The following JMJD4 variants were observed in gnomAD, a reference collection of about 807,000 sequenced individuals.
The protein encoded by JMJD4 is 2-oxoglutarate and iron-dependent oxygenase JMJD4.
JMJD4 carries 34 observed loss-of-function variants against 36.3 expected under a neutral mutation model. The observed-to-expected ratio is 0.94, with a 90% CI of 0.71 to 1.25. The LOEUF (loss-of-function observed/expected upper bound fraction) is 1.25, where lower values mean the gene tolerates loss of function less well. Among genes scored for constraint, JMJD4 ranks in the 50% most tolerant of loss-of-function variants. The pLI is 0.00. For missense variants in JMJD4, 584 were observed against 559.1 expected, an observed-to-expected ratio of 1.04 and a Z score of -0.45; for synonymous variants, 269 against 235.3, an observed-to-expected ratio of 1.14 and a Z score of -1.31.
rs759426975 is a variant in JMJD4 at position 227,732,578 on chromosome 1, G to C, written c.1068C>G (p.Ala356=). ...AACCCAACCCAGCACCGTCCTCAGCGGCTGCCTCCCTCAGGACCAGGAGCC... is the reference window on the plus strand; with the variant it reads ...AACCCAACCCAGCACCGTCCTCAGCCGCTGCCTCCCTCAGGACCAGGAGCC... ...EKRLLVLREA[A]AEDGAGLGFE... The change falls in exon 6 of 6, where the codon GCC becomes GCG. Residue 356 remains alanine, a synonymous_variant. Transcript: ENST00000620518. The C allele has an allele frequency of 3.1e-6, 5 of 1,613,346 alleles. No individual in the cohort carries two copies. The highest frequency in any genetic ancestry group is 3.3e-5 in the Admixed American group (2 of 60,004).
Position 227,733,166 on chromosome 1 carries a change from G to T in JMJD4, c.823-139C>A. On this transcript the variant is annotated intron_variant, in intron 4 of 5. Coordinates refer to ENST00000620518, the MANE Select transcript of JMJD4 (RefSeq NM_023007.3). ...GCCCTCCTGTCTCCCAGCAGGGCTT[G>T]CTCAGCAGGGAAGTGGGTGGCGGGC... 3.9e-6 allele frequency: 4 copies of T among 1,027,340 alleles called. No individual in the cohort carries two copies. The South Asian group carries it at 4.7e-5, about 12-fold the overall frequency. The allele number at this position is 1,027,340 out of a possible 1,614,324, so 63.6% of individuals were successfully genotyped here. A position where few individuals can be genotyped will look rare whatever the true frequency, so the allele number is the denominator to read the frequency against.
chr1:227,734,116 A>G (rs976546298), intron 2 of JMJD4, 84 bp from the exon 3 acceptor site: 9 of 1,484,562 alleles, frequency 6.1e-6, no homozygotes, highest in Non-Finnish European at 5.4e-6. Context: ...ACTGAGACCA[A>G]TCGGCTCCAG....
chr1:227,733,951 A>G lies in JMJD4; in HGVS notation c.510T>C (p.Asp170=). The stretch of plus-strand genomic sequence containing the variant: ...CGTAGACAAAGCGGTAGTCATCCAC[A>G]TCCAGTGCATCCCAGAACTCATTCA... The part of the protein sequence containing the change: ...DWLNEFWDAL[D]VDDYRFVYAG... The change falls in exon 3 of 6, where the codon GAT becomes GAC. Residue 170 remains aspartate (D), a synonymous_variant. Coordinates refer to ENST00000620518, the MANE Select transcript of JMJD4 (RefSeq NM_023007.3). 1 of 1,613,944 alleles carries G rather than the reference A, an allele frequency of 6.2e-7. No homozygotes were observed. Among genetic ancestry groups the G allele is most frequent in the Non-Finnish European group, 8.5e-7 (1 of 1,180,012 alleles).
chr1:227,734,032 CCT>C lies in JMJD4; in HGVS notation c.429-2_429-1del, dbSNP rs775050422. On this transcript the variant is annotated splice_acceptor_variant, in intron 2 of 5. Transcript: ENST00000620518. LOFTEE classifies it high-confidence loss of function. ...TGAAAACGTCCTCCACCGGAAAGTC[CCT>C]GTGAGGAGGGCGCAAGGGCACCACC... 1 of 1,612,758 alleles carries C rather than the reference CCT, an allele frequency of 6.2e-7. No homozygotes were observed. The highest frequency in any genetic ancestry group is 8.5e-7 in the Non-Finnish European group (1 of 1,179,674).
At position 227,735,086 on chromosome 1, in the gene JMJD4, T is replaced by C. The variant is rs1222691853; in HGVS notation, c.188A>G (p.Gln63Arg). ...LPCVFSSAFT[Q>R]GWGSRRRWVT... ...CCAGCGCCGCCGGCTGCCCCAGCCC[T>C]GCGTGAAGGCGCTGGAAAACACGCA... Residue 63 changes from glutamine (Q) to arginine (R), a missense_variant, in exon 1 of 6, where the codon CAG becomes CGG. Transcript: ENST00000620518. 1 of 1,571,840 alleles carries C rather than the reference T, an allele frequency of 6.4e-7. No individual in the cohort carries two copies. The highest frequency in any genetic ancestry group is 8.6e-7 in the Non-Finnish European group (1 of 1,159,748).
chr1:227,733,404 A>C lies in JMJD4; in HGVS notation c.822+10T>G. ...GCCCCTGATAGGGGGCAGGAGAAGC[A>C]GCACATTACCAGGTTGTGCACCTGG... On this transcript the variant is annotated intron_variant, in intron 4 of 5. Coordinates refer to ENST00000620518, the MANE Select transcript of JMJD4 (RefSeq NM_023007.3). The C allele has an allele frequency of 6.4e-7, 1 of 1,567,372 alleles. No homozygotes were observed.
At chr1:227,734,473 C>G in intron 2 of JMJD4, 178 bp downstream of exon 2, 1 of 556,200 alleles carries the variant, frequency 1.8e-6, no homozygotes, top group Non-Finnish European at 3.1e-6. Flanking sequence ...ATTGACCTCC[C>G]AAAGAACAAC....
Position 227,732,320 on chromosome 1 carries a change from T to G in JMJD4, c.*72A>C. 1 of 1,561,670 alleles carries G rather than the reference T, an allele frequency of 6.4e-7. No individual in the cohort carries two copies. Reference sequence around the variant, plus strand: ...GCCCCAGGTCACAGGGAGGGCGGTCTTTATTTCTGGAAGGGCCCCGGAGCA... The same window carrying G: ...GCCCCAGGTCACAGGGAGGGCGGTCGTTATTTCTGGAAGGGCCCCGGAGCA... On this transcript the variant is annotated 3_prime_UTR_variant, in exon 6 of 6. Coordinates refer to ENST00000620518, the MANE Select transcript of JMJD4 (RefSeq NM_023007.3).
Position 227,735,188 on chromosome 1 carries a change from C to G in JMJD4, c.86G>C (p.Arg29Pro), listed in dbSNP as rs1457329971. The change falls in exon 1 of 6, where the codon CGG becomes CCG. Residue 29 changes from arginine to proline, a missense_variant. Coordinates refer to ENST00000620518, the MANE Select transcript of JMJD4 (RefSeq NM_023007.3). The part of the protein sequence containing the change: ...DVPGVGQAPG[R>P]VAFVSEPGAF... ...GCCCGGCTCCGAGACGAAGGCTACC[C>G]GGCCCGGAGCCTGGCCGACGCCGGG... is the stretch of plus-strand genomic sequence containing the variant. 1.2e-5 allele frequency: 19 copies of G among 1,580,850 alleles called. No homozygotes were observed. The highest frequency in any genetic ancestry group is 1.6e-5 in the Non-Finnish European group (19 of 1,164,174).
At position 227,732,110 on chromosome 1, in the gene JMJD4, G is replaced by A; in HGVS notation, c.*282C>T. 1.9e-6 allele frequency: 1 copy of A among 538,428 alleles called. No homozygotes were observed. Among genetic ancestry groups the A allele is most frequent in the Non-Finnish European group, 3.3e-6 (1 of 298,898 alleles). 33.4% of individuals were successfully genotyped at this position (538,428 alleles called of 1,614,324 possible). On this transcript the variant is annotated 3_prime_UTR_variant, in exon 6 of 6. Coordinates refer to ENST00000620518, the MANE Select transcript of JMJD4 (RefSeq NM_023007.3). ...GACTCCTGTCAGCTCAGGCGTCCTG[G>A]CCTAAGGAGGCAGGGCCCCCAAAAG...
chr1:227,733,164 T>C, intron 4 of JMJD4, 137 bp from the exon 5 acceptor site: 4 of 1,044,302 alleles, frequency 3.8e-6, no homozygotes, highest in Non-Finnish European at 5.5e-6. Flanking sequence ...CCAGCAGGGC[T>C]TGCTCAGCAG....
Position 227,733,652 on chromosome 1 carries a change from G to C in JMJD4, c.584C>G (p.Ser195Cys). 2 of 1,603,058 alleles carry C rather than the reference G, an allele frequency of 1.2e-6. No individual in the cohort carries two copies. Among genetic ancestry groups the C allele is most frequent in the Non-Finnish European group, 1.7e-6 (2 of 1,179,756 alleles). The change falls in exon 4 of 6, where the codon TCC becomes TGC. Residue 195 changes from serine to cysteine, a missense_variant. Transcript: ENST00000620518. The part of the protein sequence containing the change: ...WSPFHADIFR[S>C]FSWSVNVCGR... ...ACAGACATTGACAGACCAGCTGAAG[G>C]AGCGGAAGATGTCAGCATGGAACGG...
chr1:227,734,850 T>C (rs752622320), intron 1 of JMJD4, 34 bp from the exon 2 acceptor site: 1 of 1,611,768 alleles, frequency 6.2e-7, no homozygotes, highest in East Asian at 2.2e-5. Flanking sequence ...GCCATCTCCC[T>C]GGGCCCCGTC....
At position 227,733,492 on chromosome 1, in the gene JMJD4, G is replaced by C. The variant is rs765576985; in HGVS notation, c.744C>G (p.Gly248=). Residue 248 remains glycine, a synonymous_variant, in exon 4 of 6, where the codon GGC becomes GGG. Coordinates refer to ENST00000620518, the MANE Select transcript of JMJD4 (RefSeq NM_023007.3). Reference sequence around the variant, plus strand: ...CTTCCTGCGTGATCTCCAAGGGTGGGCCAGCAAGCTGGTTCCGTGGGTGCA... The same window carrying C: ...CTTCCTGCGTGATCTCCAAGGGTGGCCCAGCAAGCTGGTTCCGTGGGTGCA... ...THLHPRNQLA[G]PPLEITQEAG... 1 of 1,594,372 alleles carries C rather than the reference G, an allele frequency of 6.3e-7. No homozygotes were observed. The highest frequency in any genetic ancestry group is 2.2e-5 in the East Asian group (1 of 44,552).
chr1:227,733,825 C>A (rs1226529868), intron 3 of JMJD4, 82 bp downstream of exon 3: 1 of 1,592,050 alleles, frequency 6.3e-7, no homozygotes, highest in Non-Finnish European at 8.5e-7. Context: ...TGCCAAGCAG[C>A]CCCCCTCCTG....
At position 227,734,610 on chromosome 1, in the gene JMJD4, C is replaced by A. The variant is rs368886090; in HGVS notation, c.428+41G>T. The A allele has an allele frequency of 1.5e-5, 24 of 1,607,102 alleles. No individual in the cohort carries two copies. The African/African-American group carries it at 2.8e-4, about 19-fold the overall frequency. On this transcript the variant is annotated intron_variant, in intron 2 of 5. Transcript: ENST00000620518. ...GAAAGGCCTCTGGGTTCACGCAGCG[C>A]TAGGGAAGGCAGCGCCTCGGTGCGT...
Position 227,735,138 on chromosome 1 carries a change from G to A in JMJD4, c.136C>T (p.Arg46Trp), listed in dbSNP as rs111401193. 108 of 1,580,974 alleles carry A rather than the reference G, an allele frequency of 6.8e-5. No individual in the cohort carries two copies. The highest frequency in any genetic ancestry group is 9.0e-5 in the Non-Finnish European group (105 of 1,164,454). Residue 46 changes from arginine to tryptophan, a missense_variant, in exon 1 of 6, where the codon CGG becomes TGG. Arg to Trp is a moderately radical substitution (Grantham distance 101). Transcript: ENST00000620518. ...PGAFSYADFVRGFLLPNLPCV... is the reference protein window; with the variant it reads ...PGAFSYADFVWGFLLPNLPCV... ...GGCAGGTTGGGCAGCAAGAAGCCCC[G>A]CACAAAGTCGGCGTAGGAGAAGGCG...
chr1:227,734,076 C>T lies in JMJD4; in HGVS notation c.429-44G>A, dbSNP rs568445653. ...GGCACCACCGACAGCACGTGAGGCACGAGGAGACTAGGGCAGCACGAGTGG... is the reference window on the plus strand; with the variant it reads ...GGCACCACCGACAGCACGTGAGGCATGAGGAGACTAGGGCAGCACGAGTGG... On this transcript the variant is annotated intron_variant, in intron 2 of 5. Transcript: ENST00000620518. The T allele has an allele frequency of 3.1e-5, 49 of 1,596,912 alleles. No individual in the cohort carries two copies. In the South Asian group the frequency reaches 5.1e-4, roughly 16 times the overall value.
In JMJD4 at chr1:227,732,998, CCA is replaced by C; in HGVS notation, c.850_851del (p.Trp284GlyfsTer51). 6.2e-7 allele frequency: 1 copy of C among 1,613,526 alleles called. No individual in the cohort carries two copies. Among genetic ancestry groups the C allele is most frequent in the Non-Finnish European group, 8.5e-7 (1 of 1,180,024 alleles). On this transcript the variant is annotated frameshift_variant, in exon 5 of 6. Transcript: ENST00000620518. LOFTEE classifies it high-confidence loss of function. ...TGTTGGCCAGGTTGAAGCCATTGAC[CCA>C]GTTGTGGTTGATGGAGATGGTGTCA... The part of the protein sequence containing the change: ...LDDTISINHN[W>X]VNGFNLANMW...
Sources: gnomAD v4.1 joint callset for allele counts on GRCh38, gnomAD v4.1.1 for gene constraint, MANE v1.5 for transcripts, NCBI Gene and HGNC (gene_info 2026-07-23, HGNC 2026-07-21) for gene names.